FAM118B: variants seen among roughly 807,000 people sequenced by gnomAD.
FAM118B encodes the protein SIR2 antiphage like 1.
Under a neutral mutation model 38.5 loss-of-function variants are expected in FAM118B, and 24 were observed. The ratio of observed to expected loss-of-function variants is 0.62; its 90% CI spans 0.45 to 0.88. FAM118B has a LOEUF of 0.88. FAM118B is among the 40% of genes least tolerant of loss of function. The pLI is 0.00. For synonymous variants in FAM118B, 138 were observed against 156.3 expected, an observed-to-expected ratio of 0.88 and a Z score of 0.87; for missense variants, 334 against 420.0, an observed-to-expected ratio of 0.80 and a Z score of 1.79.
At chr11:126,243,407 T>A (rs1269317561) in intron 4 of FAM118B, among the ~76,000 whole-genome samples, 1 of 149,868 alleles carries the variant, frequency 6.7e-6, no homozygotes, top group Non-Finnish European at 1.5e-5. Context: ...AAGACTCCAC[T>A]GAGCTGTGAT....
chr11:126,254,323 G>T lies in FAM118B; in HGVS notation c.586G>T (p.Glu196Ter), dbSNP rs1264906971. ...TGTGCAGGTCCTCGAGTGGGCTCAG[G>T]AGAAGCGTAAGCTGAGCGTGTTGCA... The part of the protein sequence containing the change: ...DEKKVLEWAQ[E>*]KRKLSVLHIH... Residue 196 changes from glutamate to a stop codon, truncating the protein, a stop_gained, in exon 6 of 9, where the codon GAG (glutamate) becomes TAG (stop). Transcript: ENST00000533050. LOFTEE classifies it high-confidence loss of function. 2 of 1,614,146 alleles carry T rather than the reference G, an allele frequency of 1.2e-6. No homozygotes were observed.
intron 2 of FAM118B, chr11:126,233,640 T>C (rs1950235100): frequency 2.3e-6 from 1 of 431,828 alleles, no homozygotes; most frequent in Admixed American, 2.8e-5. Context: ...ACTTCCTAAC[T>C]CACTACTGTG....
intron 1 of FAM118B, among the ~76,000 whole-genome samples, chr11:126,213,332 A>C (rs547262602): frequency 6.6e-6 from 1 of 152,340 alleles, no homozygotes; most frequent in Non-Finnish European, 1.5e-5. Flanking sequence ...CGTTTCTCTT[A>C]TAAGGCAGGT....
intron 5 of FAM118B, among the ~76,000 whole-genome samples, chr11:126,251,728 C>T (rs928668294): frequency 6.7e-6 from 1 of 150,006 alleles, no homozygotes; most frequent in Non-Finnish European, 1.5e-5. Flanking sequence ...TATTAACTTG[C>T]AGCTTTTTTT....
rs1022176508 is a variant in FAM118B, at chr11:126,253,322, C to T, written c.568-983C>T. 6.6e-6 allele frequency among the ~76,000 whole-genome samples: 1 copy of T among 152,146 alleles called. No individual in the cohort carries two copies. The highest frequency in any genetic ancestry group is 1.5e-5 in the Non-Finnish European group (1 of 68,024). ...GCCTAGTAACATTCAAATTCTAAAT[C>T]TCGGTGCCTCTTGACTACTTTCCTG... On this transcript the variant is annotated intron_variant, in intron 5 of 8. Coordinates refer to ENST00000533050, the MANE Select transcript of FAM118B (RefSeq NM_024556.4). The surrounding 1 kb of genome is among the most constrained non-coding windows in gnomAD (Gnocchi z 5.1).
intron 1 of FAM118B, among the ~76,000 whole-genome samples, chr11:126,214,653 A>G (rs1259635037): frequency 6.6e-6 from 1 of 151,814 alleles, no homozygotes; most frequent in Admixed American, 6.6e-5. Flanking sequence ...ATGTTTTCTT[A>G]GAACAAGGAA....
At chr11:126,215,250 C>T (rs1386013164) in intron 1 of FAM118B, among the ~76,000 whole-genome samples, 2 of 152,130 alleles carry the variant, frequency 1.3e-5, no homozygotes, top group Non-Finnish European at 2.9e-5. Context: ...TCTTTCAGCC[C>T]GAATTAGTGG....
chr11:126,213,777 A>G (rs1949926849), intron 1 of FAM118B, among the ~76,000 whole-genome samples: 1 of 152,224 alleles, frequency 6.6e-6, no homozygotes, highest in African/African-American at 2.4e-5. Context: ...CTCAAATGTC[A>G]TTGCTAGTGA....
intron 7 of FAM118B, among the ~76,000 whole-genome samples, chr11:126,258,818 C>G (rs1414110825): frequency 6.6e-6 from 1 of 152,238 alleles, no homozygotes; most frequent in African/African-American, 2.4e-5. Flanking sequence ...ATAACTGTTT[C>G]TGTTGCACTA....
In FAM118B at chr11:126,250,499, T is replaced by C. The variant is rs1950488018; in HGVS notation, c.340-7T>C. ...GACTAATTTTCTTTTTTCAAATCCC[T>C]CCTCAGCGTACCAGTAATGTTCGAT... On this transcript the variant is annotated splice_region_variant and splice_polypyrimidine_tract_variant and intron_variant, in intron 4 of 8. Transcript: ENST00000533050. This position sits in a 1 kb window ranked among gnomAD's most constrained non-coding sequence, Gnocchi z 5.1. The C allele has an allele frequency of 1.2e-6, 2 of 1,605,226 alleles. No homozygotes were observed. The highest frequency in any genetic ancestry group is 1.7e-6 in the Non-Finnish European group (2 of 1,172,172).
intron 8 of FAM118B, 125 bp from the exon 9 acceptor site, chr11:126,261,995 C>T (rs537056086): frequency 2.3e-6 from 2 of 882,142 alleles, no homozygotes; most frequent in African/African-American, 1.7e-5. Flanking sequence ...AAATAAATTA[C>T]AAGATTCCTA....
intron 3 of FAM118B, 99 bp from the exon 4 acceptor site, chr11:126,240,693 T>C (rs1251262338): frequency 7.0e-6 from 9 of 1,290,504 alleles, no homozygotes; most frequent in East Asian, 2.3e-5. Context: ...TTTGCAACTA[T>C]AAAAGTTAGC....
intron 5 of FAM118B, among the ~76,000 whole-genome samples, chr11:126,251,217 A>G (rs1284644060): frequency 6.6e-6 from 1 of 152,194 alleles, no homozygotes; most frequent in African/African-American, 2.4e-5. Flanking sequence ...TCTATACTGT[A>G]CCTACCATAA....
chr11:126,227,058 C>CTTTTTTTTT (rs575065140), intron 1 of FAM118B, among the ~76,000 whole-genome samples: 1 of 97,170 alleles, frequency 1.0e-5, no homozygotes. Context: ...ATACAAGCTT[C>CTTTTTTTTT]TTTTTTTTTT....
chr11:126,249,507 T>C (rs1479170213), intron 4 of FAM118B, among the ~76,000 whole-genome samples: 1 of 151,264 alleles, frequency 6.6e-6, no homozygotes, highest in Non-Finnish European at 1.5e-5. Context: ...CTGAGGTGAG[T>C]GGATCACAAG....
At chr11:126,241,569 G>T (rs1950358638) in intron 4 of FAM118B, among the ~76,000 whole-genome samples, 5 of 150,274 alleles carry the variant, frequency 3.3e-5, no homozygotes, top group Middle Eastern at 3.4e-3. Flanking sequence ...TTTATTTTTT[G>T]ATGGAATCTT....
intron 4 of FAM118B, among the ~76,000 whole-genome samples, chr11:126,243,635 G>A (rs953091565): frequency 2.0e-5 from 3 of 152,058 alleles, no homozygotes; most frequent in Non-Finnish European, 4.4e-5. Context: ...CAGGTGCGGT[G>A]GCTCACACCT....
intron 5 of FAM118B, among the ~76,000 whole-genome samples, chr11:126,251,844 G>C (rs909146882): frequency 6.7e-6 from 1 of 150,360 alleles, no homozygotes; most frequent in East Asian, 2.0e-4. Flanking sequence ...CACAACGCCC[G>C]GCTAATTTTG....
At chr11:126,220,116 C>T (rs1321802441) in intron 1 of FAM118B, among the ~76,000 whole-genome samples, 4 of 152,136 alleles carry the variant, frequency 2.6e-5, no homozygotes, top group Admixed American at 2.0e-4. Context: ...GTGGTTAGCT[C>T]CACGTTGGAG....
Sources: gnomAD v4.1 joint callset for allele counts (sites outside exome capture counted in the v4.1 genomes callset) on GRCh38, gnomAD v4.1.1 for gene constraint, Gnocchi (gnomAD v3.1) non-coding constraint, MANE v1.5 for transcripts, NCBI Gene and HGNC (gene_info 2026-07-23, HGNC 2026-07-21) for gene names.